Variants in UGT1A10 observed in about 807,000 individuals in gnomAD.
The protein encoded by UGT1A10 is UDP-glucuronosyltransferase 1A10.
In UGT1A10, 49 loss-of-function variants were observed where a neutral mutation model predicts 45.8. That is an observed-to-expected ratio of 1.07 (90% CI 0.85 to 1.36). UGT1A10 has a LOEUF of 1.36. Among genes scored for constraint, UGT1A10 ranks in the 40% most tolerant of loss-of-function variants. The pLI is 0.00. For synonymous variants in UGT1A10, 284 were observed against 249.7 expected, an observed-to-expected ratio of 1.14 and a Z score of -1.29; for missense variants, 745 against 668.6, an observed-to-expected ratio of 1.11 and a Z score of -1.26.
At position 233,734,864 on chromosome 2, in the gene UGT1A10, C is replaced by T. The variant is rs1375585915; in HGVS notation, c.856-32170C>T. 3.3e-5 allele frequency among the ~76,000 whole-genome samples: 5 copies of T among 152,224 alleles called. No individual in the cohort carries two copies. In the East Asian group the frequency reaches 9.6e-4, roughly 29 times the overall value. ...AATCCAGAGTTCTAATTTGACTGCA[C>T]TATGGTCTGAGAGACAGTTTGTTGT... is the stretch of plus-strand genomic sequence containing the variant. On this transcript the variant is annotated intron_variant, in intron 1 of 4. Coordinates refer to ENST00000344644, the MANE Select transcript of UGT1A10 (RefSeq NM_019075.4).
At chr2:233,679,021 C>T (rs975466167) in intron 1 of UGT1A10, among the ~76,000 whole-genome samples, 4 of 152,166 alleles carry the variant, frequency 2.6e-5, no homozygotes, top group African/African-American at 9.7e-5. Flanking sequence ...GTGGTGTAAT[C>T]CTTCTGGACT....
chr2:233,747,677 C>A, intron 1 of UGT1A10: 1 of 1,606,760 alleles, frequency 6.2e-7, no homozygotes, highest in East Asian at 2.2e-5. Flanking sequence ...ACCCAATTTA[C>A]CTCTGTGGGG....
At chr2:233,661,679 CTTTT>C (rs1470714028) in intron 1 of UGT1A10, among the ~76,000 whole-genome samples, 3 of 130,830 alleles carry the variant, frequency 2.3e-5, no homozygotes, top group South Asian at 2.5e-4. Context: ...TTCTTTCTTT[CTTTT>C]TAAACAAAGG....
intron 1 of UGT1A10, chr2:233,729,089 G>T (rs373016756): frequency 1.2e-6 from 2 of 1,612,560 alleles, no homozygotes; most frequent in Non-Finnish European, 1.7e-6. Flanking sequence ...CAGGCACAGC[G>T]TGGGGTGGAC....
At chr2:233,707,169 T>A (rs1186198629) in intron 1 of UGT1A10, among the ~76,000 whole-genome samples, 1 of 152,126 alleles carries the variant, frequency 6.6e-6, no homozygotes, top group East Asian at 1.9e-4. Flanking sequence ...CACCCAGACA[T>A]CCATCCTGGG....
chr2:233,729,143 A>G lies in UGT1A10; in HGVS notation c.856-37891A>G, dbSNP rs28898617. Reference sequence around the variant, plus strand: ...TCTGCTGAGATGGCCACAGGACTCCAGGTTCCCCTGCCGTGGCTGGCCACA... The same window carrying G: ...TCTGCTGAGATGGCCACAGGACTCCGGGTTCCCCTGCCGTGGCTGGCCACA... On this transcript the variant is annotated intron_variant, in intron 1 of 4. Transcript: ENST00000344644. 1.4e-3 allele frequency: 2,190 copies of G among 1,613,464 alleles called. 46 individuals are homozygous for G. The East Asian group carries it at 0.046, about 34-fold the overall frequency.
chr2:233,734,036 A>G (rs1235015147), intron 1 of UGT1A10, among the ~76,000 whole-genome samples: 1 of 152,130 alleles, frequency 6.6e-6, no homozygotes. Context: ...CAGCACACCA[A>G]CATGGCACAT....
intron 1 of UGT1A10, chr2:233,756,428 T>G (rs1464459350): frequency 6.6e-6 from 1 of 152,242 alleles, no homozygotes; most frequent in Non-Finnish European, 1.5e-5. Flanking sequence ...TACTGTTTTT[T>G]TTTCATTGTT....
chr2:233,690,538 C>T lies in UGT1A10; in HGVS notation c.855+53161C>T, dbSNP rs960345669. The T allele has an allele frequency of 2.4e-5, 31 of 1,289,752 alleles. 1 individual carries two copies. In the South Asian group the frequency reaches 3.7e-4, roughly 15 times the overall value. The allele number at this position is 1,289,752 out of a possible 1,614,324, so 79.9% of individuals were successfully genotyped here. A position where few individuals can be genotyped will look rare whatever the true frequency, so the allele number is the denominator to read the frequency against. Reference sequence around the variant, plus strand: ...ATCTTAGGATCTACTTCTTTCACCCCACTGGAATATGTCCCAAGCCTGAGT... The same window carrying T: ...ATCTTAGGATCTACTTCTTTCACCCTACTGGAATATGTCCCAAGCCTGAGT... On this transcript the variant is annotated intron_variant, in intron 1 of 4. Coordinates refer to ENST00000344644, the MANE Select transcript of UGT1A10 (RefSeq NM_019075.4).
chr2:233,769,089 A>G lies in UGT1A10; in HGVS notation c.1295+650A>G, dbSNP rs1396019687. Among the ~76,000 whole-genome samples the G allele has an allele frequency of 1.3e-5, 2 of 152,242 alleles. No individual in the cohort carries two copies. The highest frequency in any genetic ancestry group is 4.8e-5 in the African/African-American group (2 of 41,460). ...AGAAATACTCCATTATAAGAAGCAT[A>G]GTATCTTTAAGAGAAAAACAACTCA... On this transcript the variant is annotated intron_variant, in intron 4 of 4. Transcript: ENST00000344644. The surrounding 1 kb of genome is among the most constrained non-coding windows in gnomAD (Gnocchi z 4.4).
chr2:233,720,041 A>T (rs2076825366), intron 1 of UGT1A10, among the ~76,000 whole-genome samples: 1 of 152,182 alleles, frequency 6.6e-6, no homozygotes, highest in Non-Finnish European at 1.5e-5. Flanking sequence ...CCTGATTTTC[A>T]GCTGAACGGT....
chr2:233,721,851 C>A, intron 1 of UGT1A10: 1 of 513,702 alleles, frequency 1.9e-6, no homozygotes, highest in South Asian at 1.4e-5. Context: ...TCCAGCCCCA[C>A]TGCTCGGCCC....
At chr2:233,719,076 C>A (rs2076722760) in intron 1 of UGT1A10, 1 of 1,614,264 alleles carries the variant, frequency 6.2e-7, no homozygotes, top group East Asian at 2.2e-5. Context: ...TCCATGGACC[C>A]AGAAGGAATT....
At chr2:233,758,568 A>G (rs1462095231) in intron 1 of UGT1A10, among the ~76,000 whole-genome samples, 1 of 152,230 alleles carries the variant, frequency 6.6e-6, no homozygotes, top group Non-Finnish European at 1.5e-5. Context: ...TTGGTCCTAA[A>G]AAATGAAGAG....
intron 1 of UGT1A10, among the ~76,000 whole-genome samples, chr2:233,738,371 C>A (rs1337680224): frequency 1.3e-5 from 2 of 152,150 alleles, no homozygotes; most frequent in African/African-American, 4.8e-5. Context: ...TGCTATAAAA[C>A]TACTTGAAAA....
intron 1 of UGT1A10, chr2:233,747,118 C>G: frequency 6.9e-7 from 1 of 1,458,022 alleles, no homozygotes. Flanking sequence ...TGATGATTTG[C>G]TAAGTGGCTC....
chr2:233,754,715 GCCTGTC>G, intron 1 of UGT1A10: 1 of 549,762 alleles, frequency 1.8e-6, no homozygotes, highest in Non-Finnish European at 3.3e-6. Flanking sequence ...ACTTGAAGCT[GCCTGTC>G]CCATCACTAC....
Position 233,772,653 on chromosome 2 carries a change from T to C in UGT1A10, c.*94T>C. The C allele has an allele frequency of 1.3e-6, 2 of 1,546,978 alleles. No individual in the cohort carries two copies. The highest frequency in any genetic ancestry group is 1.7e-6 in the Non-Finnish European group (2 of 1,146,404). On this transcript the variant is annotated 3_prime_UTR_variant, in exon 5 of 5. Transcript: ENST00000344644. ...CAGTGTTAAATTCATTTTATTCTTA[T>C]TAAGGAAATACTTTGCATAAATTAA...
intron 1 of UGT1A10, among the ~76,000 whole-genome samples, chr2:233,735,103 C>T (rs4467260): frequency 0.55 from 84,293 of 151,900 alleles, 25,602 homozygotes; most frequent in African/African-American, 0.82. Context: ...TGTCTAATAT[C>T]GACAGTGGGA....
Sources: gnomAD v4.1 joint callset for allele counts (sites outside exome capture counted in the v4.1 genomes callset) on GRCh38, gnomAD v4.1.1 for gene constraint, Gnocchi (gnomAD v3.1) non-coding constraint, MANE v1.5 for transcripts, NCBI Gene and HGNC (gene_info 2026-07-23, HGNC 2026-07-21) for gene names.